Variants in EVI5 observed in about 807,000 individuals in gnomAD.
EVI5 encodes ecotropic viral integration site 5, also known as ecotropic viral integration site 5 protein homolog.
EVI5 carries 73 observed loss-of-function variants against 112.0 expected under a neutral mutation model. The observed-to-expected ratio is 0.65, with a 90% CI of 0.54 to 0.79. EVI5 has a LOEUF of 0.79. Ranked by LOEUF, EVI5 falls within the 30% of genes least tolerant of loss-of-function variation. EVI5 has a pLI of 0.00. For synonymous variants in EVI5, 305 were observed against 319.9 expected (o/e 0.95, Z 0.50); for missense variants, 900 against 968.8 (o/e 0.93, Z 0.94).
chr1:92,591,533 A>G (rs1162382275), intron 18 of EVI5, among the ~76,000 whole-genome samples: 1 of 152,240 alleles, frequency 6.6e-6, no homozygotes, highest in Non-Finnish European at 1.5e-5. Context: ...ACATAATGGT[A>G]AAGGGATCAA....
rs531380344 is a variant in EVI5 at position 92,636,000 on chromosome 1, T to C, written c.1527+202A>G. Among the ~76,000 whole-genome samples, 3 of 152,326 alleles carry C rather than the reference T, an allele frequency of 2.0e-5. No homozygotes were observed. The South Asian group carries it at 6.2e-4, about 32-fold the overall frequency. On this transcript the variant is annotated intron_variant, in intron 14 of 19. Coordinates refer to ENST00000684568, the MANE Select transcript of EVI5 (RefSeq NM_001350197.2). Reference sequence around the variant, plus strand: ...TCTAATCTCCATTTTTATCCTTAAATACGGGGCTGTGATTAGTATGAAGGC... The same window carrying C: ...TCTAATCTCCATTTTTATCCTTAAACACGGGGCTGTGATTAGTATGAAGGC...
intron 16 of EVI5, among the ~76,000 whole-genome samples, chr1:92,621,353 G>A (rs1369476056): frequency 6.6e-6 from 1 of 152,196 alleles, no homozygotes; most frequent in Non-Finnish European, 1.5e-5. Flanking sequence ...CCGTCACCCA[G>A]GCTGGAGTGC....
At chr1:92,529,382 T>A (rs1347947135) in intron 19 of EVI5, among the ~76,000 whole-genome samples, 1 of 152,216 alleles carries the variant, frequency 6.6e-6, no homozygotes, top group Non-Finnish European at 1.5e-5. Context: ...AGTGATTCTT[T>A]TAACTGTCAG....
intron 18 of EVI5, 37 bp downstream of exon 18, chr1:92,605,270 A>G: frequency 1.5e-6 from 2 of 1,324,722 alleles, no homozygotes; most frequent in Non-Finnish European, 2.2e-6. Context: ...AGAAGAAACT[A>G]TATTTTTACA....
At chr1:92,639,408 A>AT (rs1321841606) in intron 13 of EVI5, among the ~76,000 whole-genome samples, 11 of 152,084 alleles carry the variant, frequency 7.2e-5, no homozygotes, top group Non-Finnish European at 1.6e-4. Context: ...ATTAAAAAAA[A>AT]TTTCAATATT....
intron 19 of EVI5, among the ~76,000 whole-genome samples, chr1:92,520,687 C>T (rs987178168): frequency 3.3e-5 from 5 of 151,682 alleles, no homozygotes; most frequent in Admixed American, 6.6e-5. Context: ...CCTGTCTCTA[C>T]AAAAAACACA....
chr1:92,682,570 T>C (rs545906565), intron 9 of EVI5, among the ~76,000 whole-genome samples: 1 of 152,146 alleles, frequency 6.6e-6, no homozygotes, highest in Non-Finnish European at 1.5e-5. Flanking sequence ...GAGACCAGCC[T>C]GGCCAACATA....
chr1:92,694,087 C>T (rs1045843510), intron 8 of EVI5, among the ~76,000 whole-genome samples, 188 bp from the exon 9 acceptor site: 3 of 151,920 alleles, frequency 2.0e-5, no homozygotes, highest in Non-Finnish European at 4.4e-5. Context: ...CATGATGAAA[C>T]CCTGTTTCTA....
intron 19 of EVI5, among the ~76,000 whole-genome samples, chr1:92,555,389 C>T (rs1050356963): frequency 6.6e-6 from 1 of 152,152 alleles, no homozygotes; most frequent in Non-Finnish European, 1.5e-5. Flanking sequence ...AAATAGATAG[C>T]ACTGTTTTTA....
chr1:92,698,042 C>A, intron 5 of EVI5, 57 bp from the exon 6 acceptor site: 1 of 1,509,450 alleles, frequency 6.6e-7, no homozygotes, highest in South Asian at 1.2e-5. Flanking sequence ...CACAAATAAA[C>A]CAATGATATT....
chr1:92,625,879 A>G lies in EVI5; in HGVS notation c.1583T>C (p.Ile528Thr). 6.2e-7 allele frequency: 1 copy of G among 1,610,638 alleles called. No individual in the cohort carries two copies. Among genetic ancestry groups the G allele is most frequent in the Non-Finnish European group, 8.5e-7 (1 of 1,176,968 alleles). Residue 528 changes from isoleucine (I) to threonine (T), a missense_variant, in exon 15 of 20, where the codon ATT becomes ACT. By Grantham distance (89) the Ile-to-Thr change is moderately conservative. Coordinates refer to ENST00000684568, the MANE Select transcript of EVI5 (RefSeq NM_001350197.2). ...NNIARLQEEL[I>T]AVKLREAEAI... ...TTCTGCTTCTCTAAGTTTCACAGCA[A>G]TGAGTTCTTCCTGAAGCCTTGCAAT...
At chr1:92,713,231 T>C (rs1673103104) in intron 2 of EVI5, among the ~76,000 whole-genome samples, 1 of 152,004 alleles carries the variant, frequency 6.6e-6, no homozygotes, top group African/African-American at 2.4e-5. Flanking sequence ...TTACAGCATA[T>C]CACAAGTCAA....
chr1:92,592,325 G>A, intron 18 of EVI5, among the ~76,000 whole-genome samples: 1 of 152,184 alleles, frequency 6.6e-6, no homozygotes, highest in East Asian at 1.9e-4. Context: ...TGACTACTGG[G>A]TACATAATGA....
intron 1 of EVI5, among the ~76,000 whole-genome samples, chr1:92,759,908 A>G (rs1681558810): frequency 7.2e-6 from 1 of 139,306 alleles, no homozygotes; most frequent in Non-Finnish European, 1.5e-5. Flanking sequence ...GCTGAGGAAC[A>G]TTTGGGTTAT....
intron 13 of EVI5, among the ~76,000 whole-genome samples, chr1:92,653,541 C>T (rs752400107): frequency 1.1e-4 from 17 of 152,202 alleles, no homozygotes; most frequent in Non-Finnish European, 1.6e-4. Flanking sequence ...GGGGACTCCT[C>T]CTCAACCCCA....
At chr1:92,708,242 A>G (rs1487010744) in intron 2 of EVI5, among the ~76,000 whole-genome samples, 1 of 152,166 alleles carries the variant, frequency 6.6e-6, no homozygotes, top group Non-Finnish European at 1.5e-5. Flanking sequence ...ATACTTGCGA[A>G]TCATAAGGGA....
At chr1:92,754,743 C>T (rs569706755) in intron 1 of EVI5, among the ~76,000 whole-genome samples, 1 of 152,302 alleles carries the variant, frequency 6.6e-6, no homozygotes, top group African/African-American at 2.4e-5. Context: ...CATGATTTAG[C>T]TTCATAAGTC....
intron 13 of EVI5, chr1:92,647,550 TG>T: frequency 1.8e-6 from 1 of 541,160 alleles, no homozygotes. Context: ...CAGAGACCTC[TG>T]GGTTTCTCTT....
intron 1 of EVI5, among the ~76,000 whole-genome samples, chr1:92,782,098 A>C (rs778962105): frequency 8.6e-5 from 13 of 152,046 alleles, no homozygotes; most frequent in Non-Finnish European, 1.3e-4. Flanking sequence ...GTCTCTACTA[A>C]AAATACAAAA....
Sources: allele counts gnomAD v4.1 joint callset (sites outside exome capture counted in the v4.1 genomes callset), GRCh38; gene constraint gnomAD v4.1.1; transcripts MANE v1.5; gene names NCBI Gene and HGNC (gene_info 2026-07-23, HGNC 2026-07-21).